Variants in SLC24A3 observed in about 807,000 individuals in gnomAD.
SLC24A3 encodes the protein solute carrier family 24 member 3.
A neutral mutation model predicts 75.8 loss-of-function variants in SLC24A3; 28 were observed. The observed-to-expected ratio is 0.37, with a 90% confidence interval of 0.27 to 0.51. The LOEUF (loss-of-function observed/expected upper bound fraction) is 0.51. SLC24A3 is among the 20% of genes least tolerant of loss of function. SLC24A3 has a pLI of 0.94. For synonymous variants in SLC24A3, 372 were observed against 334.1 expected (o/e 1.11, Z -1.24); for missense variants, 663 against 847.8 (o/e 0.78, Z 2.71).
intron 1 of SLC24A3, among the ~76,000 whole-genome samples, chr20:19,239,120 T>TA (rs11480954): frequency 0.17 from 24,406 of 140,912 alleles, 3,290 homozygotes; most frequent in East Asian, 0.73. Flanking sequence ...AAGCTTATTT[T>TA]AAAAAAAAAA....
At chr20:19,432,156 T>C (rs1305706121) in intron 2 of SLC24A3, among the ~76,000 whole-genome samples, 1 of 151,968 alleles carries the variant, frequency 6.6e-6, no homozygotes, top group Non-Finnish European at 1.5e-5. Context: ...ATATGCAGCA[T>C]GTCAATGCAA....
At chr20:19,393,901 C>G (rs1986406290) in intron 2 of SLC24A3, among the ~76,000 whole-genome samples, 1 of 152,046 alleles carries the variant, frequency 6.6e-6, no homozygotes. Context: ...CCCAAATAGC[C>G]AAAACAATCT....
At chr20:19,384,522 G>C (rs1421912796) in intron 2 of SLC24A3, among the ~76,000 whole-genome samples, 2 of 152,098 alleles carry the variant, frequency 1.3e-5, no homozygotes, top group Non-Finnish European at 2.9e-5. Flanking sequence ...CTTTTTTAAG[G>C]CTGAATAGTA....
chr20:19,289,839 T>G (rs1983897412), intron 2 of SLC24A3, among the ~76,000 whole-genome samples: 1 of 152,172 alleles, frequency 6.6e-6, no homozygotes, highest in Non-Finnish European at 1.5e-5. Context: ...GATAATCTTA[T>G]TTTGCAGATG....
At chr20:19,529,506 C>G (rs1260431287) in intron 3 of SLC24A3, among the ~76,000 whole-genome samples, 1 of 152,210 alleles carries the variant, frequency 6.6e-6, no homozygotes, top group African/African-American at 2.4e-5. Flanking sequence ...TCTCCACAAG[C>G]ATGGCCCTTG....
At chr20:19,460,874 T>C (rs1185583978) in intron 2 of SLC24A3, among the ~76,000 whole-genome samples, 3 of 152,200 alleles carry the variant, frequency 2.0e-5, no homozygotes, top group Admixed American at 6.5e-5. Context: ...TAGCCAACAG[T>C]TGACCAGGCC....
intron 2 of SLC24A3, among the ~76,000 whole-genome samples, chr20:19,465,640 G>A (rs984414009): frequency 3.3e-5 from 5 of 152,168 alleles, no homozygotes; most frequent in African/African-American, 1.2e-4. Context: ...TATCTCTGCA[G>A]ACCAACTGTG....
chr20:19,665,140 C>G (rs368644416), intron 7 of SLC24A3, among the ~76,000 whole-genome samples: 2 of 152,174 alleles, frequency 1.3e-5, no homozygotes, highest in Non-Finnish European at 2.9e-5. Flanking sequence ...ATGAGTAAAC[C>G]TCAGTGGGGT....
intron 2 of SLC24A3, among the ~76,000 whole-genome samples, chr20:19,488,242 G>A (rs1988156426): frequency 6.6e-6 from 1 of 152,214 alleles, no homozygotes; most frequent in Non-Finnish European, 1.5e-5. Context: ...AGAGGCCAGA[G>A]GGCAGGTGCC....
chr20:19,425,176 A>C (rs1222305664), intron 2 of SLC24A3, among the ~76,000 whole-genome samples: 1 of 151,922 alleles, frequency 6.6e-6, no homozygotes, highest in Non-Finnish European at 1.5e-5. Context: ...GGTGGTGTGC[A>C]CCTGTAATCC....
intron 7 of SLC24A3, among the ~76,000 whole-genome samples, chr20:19,656,660 G>A (rs1036191898): frequency 6.6e-6 from 1 of 152,130 alleles, no homozygotes; most frequent in Admixed American, 6.5e-5. Context: ...CAGTGTCAAT[G>A]AACACAGCCC....
intron 3 of SLC24A3, among the ~76,000 whole-genome samples, chr20:19,544,102 G>A (rs1008056852): frequency 6.6e-6 from 1 of 152,158 alleles, no homozygotes; most frequent in Non-Finnish European, 1.5e-5. Context: ...TTCCCAGCCT[G>A]ACTGTCCACT....
chr20:19,506,098 A>G (rs1229216350), intron 2 of SLC24A3, among the ~76,000 whole-genome samples: 1 of 152,204 alleles, frequency 6.6e-6, no homozygotes, highest in Non-Finnish European at 1.5e-5. Context: ...ATTAAGACTC[A>G]AAGATGTTAA....
intron 14 of SLC24A3, 36 bp downstream of exon 14, chr20:19,696,947 G>T: frequency 1.3e-6 from 1 of 756,758 alleles, no homozygotes; most frequent in Non-Finnish European, 2.2e-6. Flanking sequence ...AGGAGGGAGG[G>T]AGGGAGGAGG....
intron 6 of SLC24A3, among the ~76,000 whole-genome samples, chr20:19,605,568 A>G (rs2031586597): frequency 6.6e-6 from 1 of 152,142 alleles, no homozygotes; most frequent in South Asian, 2.1e-4. Context: ...TGCCATATCA[A>G]TTATCCCTAT....
At chr20:19,229,805 A>G (rs1249894864) in intron 1 of SLC24A3, among the ~76,000 whole-genome samples, 1 of 151,818 alleles carries the variant, frequency 6.6e-6, no homozygotes, top group African/African-American at 2.4e-5. Flanking sequence ...GTAAGAGCCT[A>G]TGTTTTTTTC....
In SLC24A3 at chr20:19,515,527, A is replaced by G. The variant is rs774404839; in HGVS notation, c.311A>G (p.Asp104Gly). The G allele has an allele frequency of 1.2e-6, 2 of 1,614,174 alleles. No homozygotes were observed. Among genetic ancestry groups the G allele is most frequent in the Non-Finnish European group, 1.7e-6 (2 of 1,180,020 alleles). Residue 104 changes from aspartate to glycine, a missense_variant, in exon 3 of 17, where the codon GAT becomes GGT. Coordinates refer to ENST00000328041, the MANE Select transcript of SLC24A3 (RefSeq NM_020689.4). ...CCCAATGACATCTTCACAAACGAGG[A>G]TAGAAGACAAGGTGCGGTGGTCCTC... ...EFPNDIFTNE[D>G]RRQGAVVLHV... is the part of the protein sequence containing the mutation.
intron 12 of SLC24A3, among the ~76,000 whole-genome samples, chr20:19,690,824 A>G (rs1311714941): frequency 1.3e-5 from 2 of 152,204 alleles, no homozygotes; most frequent in Non-Finnish European, 2.9e-5. Context: ...GCTTAAATCT[A>G]ACAAGACTCA....
intron 6 of SLC24A3, among the ~76,000 whole-genome samples, chr20:19,621,819 C>T (rs116426054): frequency 6.6e-6 from 1 of 152,310 alleles, no homozygotes; most frequent in African/African-American, 2.4e-5. Flanking sequence ...ACCCCTGGCT[C>T]CACCATTTCT....
Sources: gnomAD v4.1 joint callset for allele counts (sites outside exome capture counted in the v4.1 genomes callset) on GRCh38, gnomAD v4.1.1 for gene constraint, MANE v1.5 for transcripts, NCBI Gene and HGNC (gene_info 2026-07-23, HGNC 2026-07-21) for gene names.